The following NRG2 variants were observed in gnomAD, a reference collection of about 807,000 sequenced individuals.
NRG2 encodes neuregulin 2, also known as pro-neuregulin-2, membrane-bound isoform.
In NRG2, 27 loss-of-function variants were observed where a neutral mutation model predicts 73.9. That is an observed-to-expected ratio of 0.37 (90% CI 0.27 to 0.50). NRG2 has a LOEUF of 0.50. Among genes scored for constraint, NRG2 ranks in the 20% least tolerant of loss-of-function variants. The pLI is 0.96. For synonymous variants in NRG2, 532 were observed against 541.0 expected, an observed-to-expected ratio of 0.98 and a Z score of 0.23; for missense variants, 1,126 against 1,210.1, an observed-to-expected ratio of 0.93 and a Z score of 1.03.
In NRG2 at chr5:139,918,682, T is replaced by G. The variant is rs115522830; in HGVS notation, c.701-31171A>C. The stretch of plus-strand genomic sequence containing the variant: ...CGTGAGCTATTTAGACAGGTTGGAT[T>G]TGGATTGCCAGCAGGAAATGCCTAG... On this transcript the variant is annotated intron_variant, in intron 1 of 9. Coordinates refer to ENST00000361474, the MANE Select transcript of NRG2 (RefSeq NM_004883.3). Among the ~76,000 whole-genome samples the G allele has an allele frequency of 3.0e-3, 464 of 152,264 alleles. 3 individuals carry two copies. Among genetic ancestry groups the G allele is most frequent in the Middle Eastern group, 6.8e-3 (2 of 294 alleles).
In NRG2 at chr5:139,997,097, G is replaced by A. The variant is rs150557101; in HGVS notation, c.700+45273C>T. Among the ~76,000 whole-genome samples the A allele has an allele frequency of 8.2e-3, 1,250 of 152,136 alleles. 7 individuals are homozygous for A. Among genetic ancestry groups the A allele is most frequent in the Middle Eastern group, 0.024 (7 of 294 alleles). The stretch of plus-strand genomic sequence containing the variant: ...GTCGAGGCCGTGGTGAGCCAAGATC[G>A]CACCACTGCACACCAGCCTGGGCAA... On this transcript the variant is annotated intron_variant, in intron 1 of 9. Coordinates refer to ENST00000361474, the MANE Select transcript of NRG2 (RefSeq NM_004883.3).
Position 139,915,215 on chromosome 5 carries a change from G to A in NRG2, c.701-27704C>T, listed in dbSNP as rs1366723654. On this transcript the variant is annotated intron_variant, in intron 1 of 9. Coordinates refer to ENST00000361474, the MANE Select transcript of NRG2 (RefSeq NM_004883.3). The surrounding 1 kb of genome is among the most constrained non-coding windows in gnomAD (Gnocchi z 4.0). Reference sequence around the variant, plus strand: ...TTGTTGTGCTGTAAAATCATTATCTGACAATCATAATTTTATTTTTAAGAG... The same window carrying A: ...TTGTTGTGCTGTAAAATCATTATCTAACAATCATAATTTTATTTTTAAGAG... Among the ~76,000 whole-genome samples the A allele has an allele frequency of 1.3e-5, 2 of 152,218 alleles. No homozygotes were observed. Among genetic ancestry groups the A allele is most frequent in the African/African-American group, 2.4e-5 (1 of 41,454 alleles).
At chr5:139,861,325 C>T (rs1034220942) in intron 5 of NRG2, among the ~76,000 whole-genome samples, 15 of 152,158 alleles carry the variant, frequency 9.9e-5, no homozygotes, top group African/African-American at 3.6e-4. Context: ...TGGAGGAAGG[C>T]GAGCACGTGG....
At chr5:139,978,766 G>GCAGCCACAAT (rs200030721) in intron 1 of NRG2, among the ~76,000 whole-genome samples, 3,371 of 151,878 alleles carry the variant, frequency 0.022, 49 homozygotes, top group Middle Eastern at 0.061. Context: ...TGGCACTATC[G>GCAGCCACAAT]CAGCCACAAT....
At chr5:139,952,949 G>A (rs1464995299) in intron 1 of NRG2, among the ~76,000 whole-genome samples, 1 of 152,198 alleles carries the variant, frequency 6.6e-6, no homozygotes, top group African/African-American at 2.4e-5. Context: ...TGCACAGGAG[G>A]AAGTCATAAC....
At chr5:139,919,363 T>C (rs1202183675) in intron 1 of NRG2, among the ~76,000 whole-genome samples, 1 of 151,966 alleles carries the variant, frequency 6.6e-6, no homozygotes, top group African/African-American at 2.4e-5. Flanking sequence ...AGCTAAATGA[T>C]ACTCTAGAGA....
chr5:139,884,820 C>T (rs773543406), intron 2 of NRG2, among the ~76,000 whole-genome samples: 1 of 152,088 alleles, frequency 6.6e-6, no homozygotes, highest in Non-Finnish European at 1.5e-5. Flanking sequence ...CTCAGAGGGG[C>T]CTGTGGTCCA....
At chr5:140,014,533 C>T (rs1446254940) in intron 1 of NRG2, among the ~76,000 whole-genome samples, 4 of 152,070 alleles carry the variant, frequency 2.6e-5, no homozygotes, top group East Asian at 1.9e-4. Flanking sequence ...CACAGTGCCC[C>T]GCCTGGATTC....
chr5:139,912,325 C>G (rs753490825), intron 1 of NRG2, among the ~76,000 whole-genome samples: 1 of 152,068 alleles, frequency 6.6e-6, no homozygotes, highest in Non-Finnish European at 1.5e-5. Flanking sequence ...ATTCTCTTCT[C>G]TCTCTCAGCT....
At chr5:140,014,600 T>C (rs1340880642) in intron 1 of NRG2, among the ~76,000 whole-genome samples, 1 of 152,130 alleles carries the variant, frequency 6.6e-6, no homozygotes, top group East Asian at 1.9e-4. Context: ...AGGAAGTCTT[T>C]TGGGCCTTAT....
chr5:140,018,777 C>T lies in NRG2; in HGVS notation c.700+23593G>A, dbSNP rs550947460. On this transcript the variant is annotated intron_variant, in intron 1 of 9. Coordinates refer to ENST00000361474, the MANE Select transcript of NRG2 (RefSeq NM_004883.3). ...AGATCCAGACCAACACCACCATCCC[C>T]AATCCAGATCCTGCTCCTGAGCATG... is the stretch of plus-strand genomic sequence containing the variant. Among the ~76,000 whole-genome samples the T allele has an allele frequency of 1.7e-4, 26 of 152,330 alleles. 1 individual carries two copies. In the South Asian group the frequency reaches 5.4e-3, roughly 32 times the overall value.
Position 139,848,614 on chromosome 5 carries a change from T to C in NRG2, c.1856A>G (p.Glu619Gly). ...GTGCGCCGAGTTGGGGGACGTGATC[T>C]CGAAAGTTGGCACCTGCGTGGCCAG... Reference protein sequence around the residue: ...YSLATQVPTFEITSPNSAHAV... With the variant: ...YSLATQVPTFGITSPNSAHAV... The change falls in exon 10 of 10, where the codon GAG (glutamate) becomes GGG (glycine). Residue 619 changes from glutamate to glycine, a missense_variant. Glu to Gly is a moderately conservative substitution (Grantham distance 98, BLOSUM62 -2). Around this residue, in one of 3 missense-constraint regions of NRG2, gnomAD observed 539 missense variants for 703.2 expected, o/e 0.77. Transcript: ENST00000361474. 1 of 1,577,640 alleles carries C rather than the reference T, an allele frequency of 6.3e-7. No homozygotes were observed. The highest frequency in any genetic ancestry group is 8.5e-7 in the Non-Finnish European group (1 of 1,171,550).
chr5:139,908,369 T>C lies in NRG2; in HGVS notation c.701-20858A>G, dbSNP rs962666524. Among the ~76,000 whole-genome samples, 5 of 152,268 alleles carry C rather than the reference T, an allele frequency of 3.3e-5. No individual in the cohort carries two copies. In the East Asian group the frequency reaches 9.7e-4, roughly 29 times the overall value. ...GCAGGTCAGCCATCAAATATTTCCT[T>C]AGAGCCCTTTATGCGCCAGGCTCTG... is the stretch of plus-strand genomic sequence containing the variant. On this transcript the variant is annotated intron_variant, in intron 1 of 9. Transcript: ENST00000361474.
At chr5:139,898,852 C>T (rs1374369260) in intron 1 of NRG2, among the ~76,000 whole-genome samples, 1 of 152,192 alleles carries the variant, frequency 6.6e-6, no homozygotes, top group Non-Finnish European at 1.5e-5. Context: ...TGCCTTATTT[C>T]CCCAAATATC....
chr5:139,849,886 C>A lies in NRG2; in HGVS notation c.1773-1189G>T, dbSNP rs534107178. 3.3e-5 allele frequency among the ~76,000 whole-genome samples: 5 copies of A among 152,212 alleles called. No homozygotes were observed. In the South Asian group the frequency reaches 1.0e-3, roughly 31 times the overall value. On this transcript the variant is annotated intron_variant, in intron 9 of 9. Coordinates refer to ENST00000361474, the MANE Select transcript of NRG2 (RefSeq NM_004883.3). ...CACTCTATGCAGTTCCCAGAGCAAT[C>A]TTGTAAAGTCACAGCTCTGCTGAAG...
chr5:140,040,264 T>A (rs937080015), intron 1 of NRG2, among the ~76,000 whole-genome samples: 1 of 152,180 alleles, frequency 6.6e-6, no homozygotes, highest in Non-Finnish European at 1.5e-5. Context: ...TTCCTGATCC[T>A]TGATAATTTG....
chr5:140,028,013 A>G (rs1260212390), intron 1 of NRG2, among the ~76,000 whole-genome samples: 2 of 152,246 alleles, frequency 1.3e-5, no homozygotes, highest in Non-Finnish European at 2.9e-5. Flanking sequence ...CAAAACTGCT[A>G]GGGACTAGCG....
At chr5:139,959,072 C>T (rs1170169482) in intron 1 of NRG2, among the ~76,000 whole-genome samples, 1 of 152,180 alleles carries the variant, frequency 6.6e-6, no homozygotes, top group East Asian at 1.9e-4. Context: ...TCTGAGAAGC[C>T]AGAATAGGTA....
intron 1 of NRG2, among the ~76,000 whole-genome samples, chr5:139,989,102 A>T (rs958991406): frequency 2.0e-5 from 3 of 152,078 alleles, no homozygotes; most frequent in African/African-American, 4.8e-5. Context: ...TAGATGTACC[A>T]TAAGAGCAGA....
Sources: gnomAD v4.1 joint callset for allele counts (sites outside exome capture counted in the v4.1 genomes callset) on GRCh38, gnomAD v4.1.1 for gene constraint, gnomAD v4.1.1 regional missense constraint, Gnocchi (gnomAD v3.1) non-coding constraint, MANE v1.5 for transcripts, NCBI Gene and HGNC (gene_info 2026-07-23, HGNC 2026-07-21) for gene names.